PDE1C: variants seen among roughly 807,000 people sequenced by gnomAD.
PDE1C encodes the protein phosphodiesterase 1C.
PDE1C carries 62 observed loss-of-function variants against 93.1 expected under a neutral mutation model. The observed-to-expected ratio is 0.67, with a 90% CI of 0.54 to 0.82. The LOEUF (loss-of-function observed/expected upper bound fraction) is 0.82, where lower values mean the gene tolerates loss of function less well. Ranked by LOEUF, PDE1C falls within the 40% of genes least tolerant of loss-of-function variation. The pLI, the probability that PDE1C is intolerant of heterozygous loss-of-function variation, is 0.00. For missense variants in PDE1C, 742 were observed against 884.6 expected (o/e 0.84, Z 2.04); for synonymous variants, 325 against 310.1 (o/e 1.05, Z -0.50).
At chr7:31,937,789 T>C (rs1240299295) in intron 2 of PDE1C, among the ~76,000 whole-genome samples, 3 of 152,314 alleles carry the variant, frequency 2.0e-5, no homozygotes, top group East Asian at 1.9e-4. Flanking sequence ...ATACTCACCA[T>C]TAAGAAACTC....
intron 1 of PDE1C, among the ~76,000 whole-genome samples, chr7:32,241,265 A>G (rs887128628): frequency 4.6e-5 from 7 of 152,228 alleles, no homozygotes; most frequent in African/African-American, 1.7e-4. Context: ...ATAAATGTAG[A>G]TAGAGAAGCC....
chr7:31,861,341 T>C (rs1387117911), intron 7 of PDE1C, among the ~76,000 whole-genome samples: 1 of 152,162 alleles, frequency 6.6e-6, no homozygotes, highest in Non-Finnish European at 1.5e-5. Flanking sequence ...CTTCTAACTA[T>C]CTATTCACTC....
At chr7:32,355,556 A>G (rs763097001) in intron 1 of PDE1C, among the ~76,000 whole-genome samples, 3 of 151,814 alleles carry the variant, frequency 2.0e-5, no homozygotes, top group Non-Finnish European at 2.9e-5. Flanking sequence ...AATCCTATCA[A>G]TTCCTCCCCA....
chr7:32,047,033 G>A (rs10261320), intron 2 of PDE1C, among the ~76,000 whole-genome samples: 877 of 15,744 alleles, frequency 0.056, 5 homozygotes, highest in African/African-American at 0.19. Context: ...TGAAATAGGG[G>A]TGTGTGTGTG....
intron 2 of PDE1C, among the ~76,000 whole-genome samples, chr7:31,933,059 C>T (rs1046507215): frequency 2.8e-4 from 43 of 152,008 alleles, no homozygotes; most frequent in African/African-American, 9.7e-4. Flanking sequence ...ACACTGGGAT[C>T]TGTCAGGGGT....
chr7:31,736,986 C>G, the PDE1C span, among the ~76,000 whole-genome samples: 1 of 152,182 alleles, frequency 6.6e-6, no homozygotes, highest in Admixed American at 6.5e-5. Flanking sequence ...GAGTCTCACT[C>G]TGTCACCCAG....
At chr7:31,969,909 G>A (rs913762395) in intron 2 of PDE1C, among the ~76,000 whole-genome samples, 6 of 151,908 alleles carry the variant, frequency 3.9e-5, no homozygotes, top group African/African-American at 9.7e-5. Context: ...ACCAAACACC[G>A]CATGTTCTCA....
intron 2 of PDE1C, among the ~76,000 whole-genome samples, chr7:31,888,489 A>G (rs1798243827): frequency 6.6e-6 from 1 of 152,050 alleles, no homozygotes; most frequent in Non-Finnish European, 1.5e-5. Context: ...GATCAAGAAA[A>G]AAGAGAAATG....
chr7:32,237,763 CTTTTTT>C (rs58726659), intron 1 of PDE1C, among the ~76,000 whole-genome samples: 1 of 104,650 alleles, frequency 9.6e-6, no homozygotes, highest in Admixed American at 1.2e-4. Flanking sequence ...TATATATATA[CTTTTTT>C]TTTTTTTTTT....
At chr7:31,695,369 C>T in the PDE1C span, 6 of 1,113,198 alleles carry the variant, frequency 5.4e-6, no homozygotes, top group Non-Finnish European at 7.6e-6. Context: ...GGCCAAATCA[C>T]CTCTGTCCTG....
At chr7:32,091,311 T>C (rs1198061570) in intron 3 of PDE1C, among the ~76,000 whole-genome samples, 1 of 152,240 alleles carries the variant, frequency 6.6e-6, no homozygotes, top group African/African-American at 2.4e-5. Flanking sequence ...TGTAATCTTC[T>C]CTGAGACTAA....
At chr7:31,699,953 C>T in the PDE1C span, among the ~76,000 whole-genome samples, 18 of 152,094 alleles carry the variant, frequency 1.2e-4, no homozygotes, top group African/African-American at 4.3e-4. Context: ...CAAACAATTC[C>T]CCTATCTCTC....
At chr7:32,158,773 T>C (rs1801731386) in intron 3 of PDE1C, among the ~76,000 whole-genome samples, 1 of 152,200 alleles carries the variant, frequency 6.6e-6, no homozygotes, top group Admixed American at 6.5e-5. Flanking sequence ...ATATACAGTC[T>C]CCTTTCTGCT....
intron 3 of PDE1C, among the ~76,000 whole-genome samples, chr7:32,106,267 C>T (rs1270381286): frequency 3.3e-5 from 5 of 152,068 alleles, no homozygotes. Context: ...AGGCAGCCTC[C>T]CAAAGTATTG....
At chr7:32,326,237 C>A (rs945060745) in intron 1 of PDE1C, among the ~76,000 whole-genome samples, 4 of 152,180 alleles carry the variant, frequency 2.6e-5, no homozygotes, top group Admixed American at 1.3e-4. Flanking sequence ...AGACTCTATC[C>A]AATGTTGAAT....
intron 1 of PDE1C, among the ~76,000 whole-genome samples, chr7:32,409,705 T>G (rs992494260): frequency 6.6e-6 from 1 of 152,080 alleles, no homozygotes; most frequent in African/African-American, 2.4e-5. Context: ...CCTCAACTCC[T>G]ATTGTTAATT....
At chr7:31,907,943 T>C (rs1171951266) in intron 2 of PDE1C, among the ~76,000 whole-genome samples, 2 of 147,850 alleles carry the variant, frequency 1.4e-5, no homozygotes, top group African/African-American at 2.5e-5. Flanking sequence ...ATAGGAGAAA[T>C]AGAAGAACAG....
At chr7:32,342,519 T>C (rs896413371) in intron 1 of PDE1C, among the ~76,000 whole-genome samples, 2 of 152,246 alleles carry the variant, frequency 1.3e-5, no homozygotes, top group Admixed American at 6.5e-5. Context: ...TAAATATGTA[T>C]GTTTGCAAGC....
the PDE1C span, among the ~76,000 whole-genome samples, chr7:31,618,150 A>G: frequency 6.6e-6 from 1 of 152,168 alleles, no homozygotes; most frequent in African/African-American, 2.4e-5. Flanking sequence ...GACTATGACT[A>G]AGTCACCCAG....
Sources: allele counts gnomAD v4.1 joint callset (sites outside exome capture counted in the v4.1 genomes callset), GRCh38; gene constraint gnomAD v4.1.1; transcripts MANE v1.5; gene names NCBI Gene and HGNC (gene_info 2026-07-23, HGNC 2026-07-21).